Variants in SF1 observed in about 807,000 individuals in gnomAD.
The protein encoded by SF1 is branch point-binding protein.
SF1 carries 7 observed loss-of-function variants against 62.5 expected under a neutral mutation model. The observed-to-expected ratio is 0.11, with a 90% confidence interval of 0.06 to 0.21. SF1 has a LOEUF of 0.21. Among genes scored for constraint, SF1 ranks in the 10% least tolerant of loss-of-function variants. The pLI, the probability that SF1 is intolerant of heterozygous loss-of-function variation, is 1.00. For missense variants in SF1, 578 were observed against 884.0 expected, an observed-to-expected ratio of 0.65 and a Z score of 4.39; for synonymous variants, 394 against 323.6, an observed-to-expected ratio of 1.22 and a Z score of -2.33.
Position 64,765,952 on chromosome 11 carries a change from T to A in SF1, c.1786A>T (p.Met596Leu). Residue 596 changes from methionine (M) to leucine (L), a missense_variant, in exon 13 of 13, where the codon ATG (methionine) becomes TTG (leucine). Physicochemically the swap from Met to Leu is conservative, Grantham distance 15. Around this residue, in one of 7 missense-constraint regions of SF1, gnomAD observed 410 missense variants for 452.4 expected, o/e 0.91. Coordinates refer to ENST00000377390, the MANE Select transcript of SF1 (RefSeq NM_004630.4). The stretch of plus-strand genomic sequence containing the variant: ...GGAGGAGGAGGGGGCGGGGCATACA[T>A]CATGCCGGCGGAACCAGGCGGTGGA... ...PPPPPGSAGM[M>L]YAPPPPPPPP... 1 of 1,564,364 alleles carries A rather than the reference T, an allele frequency of 6.4e-7. No individual in the cohort carries two copies. The highest frequency in any genetic ancestry group is 8.7e-7 in the Non-Finnish European group (1 of 1,153,366).
intron 1 of SF1, chr11:64,777,452 A>G: frequency 6.2e-6 from 6 of 973,750 alleles, no homozygotes; most frequent in Non-Finnish European, 7.3e-6. Flanking sequence ...TCTCCCCAAA[A>G]GAGACCAAGA....
rs1335242113 is a variant in SF1, at chr11:64,770,336, T to C, written c.309A>G (p.Lys103=). 1.2e-6 allele frequency: 2 copies of C among 1,614,008 alleles called. No homozygotes were observed. Among genetic ancestry groups the C allele is most frequent in the Non-Finnish European group, 1.7e-6 (2 of 1,180,038 alleles). ...RLNTREFRTR[K]KLEEERHNLI... is the part of the protein sequence containing the mutation. ...GGTTGTGCCGCTCCTCTTCCAGCTTTTTGCGGGTGCGGAACTCTCGGGTGT... is the reference window on the plus strand; with the variant it reads ...GGTTGTGCCGCTCCTCTTCCAGCTTCTTGCGGGTGCGGAACTCTCGGGTGT... Residue 103 remains lysine (K), a synonymous_variant, in exon 4 of 13, where the codon AAA becomes AAG. Coordinates refer to ENST00000377390, the MANE Select transcript of SF1 (RefSeq NM_004630.4).
chr11:64,776,524 G>C lies in SF1; in HGVS notation c.134C>G (p.Thr45Ser), dbSNP rs1939275659. 1 of 1,565,220 alleles carries C rather than the reference G, an allele frequency of 6.4e-7. No individual in the cohort carries two copies. Among genetic ancestry groups the C allele is most frequent in the South Asian group, 1.2e-5 (1 of 82,888 alleles). Residue 45 changes from threonine (T) to serine (S), a missense_variant, in exon 2 of 13, where the codon ACT (threonine) becomes AGT (serine). This residue lies in a region of SF1 where 68 missense variants were observed against 170.7 expected (regional missense o/e 0.40). Transcript: ENST00000377390. ...GMPTVIPPGL[T>S]REQERAYIVQ... ...TATATAAGCTCTTTCTTGTTCTCGA[G>C]TAAGTCCAGGGGGAATAACTGTAGG...
intron 1 of SF1, chr11:64,777,710 G>C: frequency 3.0e-6 from 3 of 985,566 alleles, no homozygotes; most frequent in South Asian, 4.7e-5. Context: ...AGCAATAGTG[G>C]GCCCCCAGTC....
At position 64,765,476 on chromosome 11, in the gene SF1, C is replaced by T; in HGVS notation, c.*342G>A. The T allele has an allele frequency of 6.2e-7, 1 of 1,613,502 alleles. No individual in the cohort carries two copies. Among genetic ancestry groups the T allele is most frequent in the Non-Finnish European group, 8.5e-7 (1 of 1,179,792 alleles). ...GGGTCACCAATGGGCGCGGAAAGTC[C>T]TCACTCTCATGGCTCGGGCCATCGC... On this transcript the variant is annotated 3_prime_UTR_variant, in exon 13 of 13. Coordinates refer to ENST00000377390, the MANE Select transcript of SF1 (RefSeq NM_004630.4).
intron 2 of SF1, 99 bp from the exon 3 acceptor site, chr11:64,773,604 A>G (rs1938656501): frequency 7.4e-7 from 1 of 1,349,680 alleles, no homozygotes; most frequent in African/African-American, 1.5e-5. Flanking sequence ...AAGAACTCGG[A>G]GACTTTGAAA....
At chr11:64,773,755 C>T (rs757873412) in intron 2 of SF1, among the ~76,000 whole-genome samples, 12 of 152,104 alleles carry the variant, frequency 7.9e-5, no homozygotes, top group Non-Finnish European at 1.8e-4. Context: ...GAGGGGTTAG[C>T]AATAAAGACT....
rs2058787959 is a variant in SF1, at chr11:64,767,746, CCCACCAGGA to C, written c.1158_1166del (p.Pro390_Gly392del). The C allele has an allele frequency of 6.2e-7, 1 of 1,613,044 alleles. No homozygotes were observed. Among genetic ancestry groups the C allele is most frequent in the Non-Finnish European group, 8.5e-7 (1 of 1,179,500 alleles). On this transcript the variant is annotated inframe_deletion, in exon 10 of 13. Coordinates refer to ENST00000377390, the MANE Select transcript of SF1 (RefSeq NM_004630.4). ...GGAAGCTGTGGGGGCCACCTCCGGG[CCCACCAGGA>C]CCACCTCCATGCATGCCGTGGTAGG...
chr11:64,773,126 C>T (rs1372179549), intron 3 of SF1: 29 of 1,192,526 alleles, frequency 2.4e-5, no homozygotes, highest in East Asian at 1.7e-4. Flanking sequence ...GGCAGGTTAA[C>T]GGGCCACCTC....
intron 3 of SF1, 40 bp from the exon 4 acceptor site, chr11:64,770,448 TTC>T (rs768357502): frequency 2.7e-5 from 43 of 1,596,558 alleles, no homozygotes; most frequent in East Asian, 4.5e-5. Flanking sequence ...CTGCACCGAC[TTC>T]TCTCATTCCC....
At chr11:64,766,791 G>GC (rs2058704597) in intron 12 of SF1, 109 bp downstream of exon 12, 3 of 888,080 alleles carry the variant, frequency 3.4e-6, no homozygotes, top group Non-Finnish European at 3.2e-6. Context: ...CCCCAGCAGA[G>GC]CCCAGGGGCT....
intron 3 of SF1, chr11:64,772,164 A>G (rs1056322691): frequency 1.9e-5 from 19 of 985,294 alleles, no homozygotes; most frequent in Non-Finnish European, 1.9e-5. Context: ...CATCGGCTAG[A>G]TCAACTAAAT....
intron 10 of SF1, 152 bp from the exon 11 acceptor site, chr11:64,767,403 C>T: frequency 9.6e-7 from 1 of 1,040,178 alleles, no homozygotes; most frequent in Non-Finnish European, 1.5e-6. Context: ...AGAATCACTC[C>T]CTGAACCAGA....
intron 1 of SF1, among the ~76,000 whole-genome samples, chr11:64,776,838 C>G (rs1361175000): frequency 6.6e-6 from 1 of 152,114 alleles, no homozygotes; most frequent in African/African-American, 2.4e-5. Flanking sequence ...CTTGGTCAGG[C>G]AAGTTAACAT....
chr11:64,777,129 TCAA>T (rs2135986777), intron 1 of SF1, among the ~76,000 whole-genome samples: 1 of 152,330 alleles, frequency 6.6e-6, no homozygotes, highest in South Asian at 2.1e-4. Context: ...GCCCAATTCT[TCAA>T]CAAGATCACC....
chr11:64,766,438 C>G, intron 12 of SF1: 1 of 515,466 alleles, frequency 1.9e-6, no homozygotes, highest in Non-Finnish European at 3.4e-6. Context: ...GCTCTGATGT[C>G]CCTCCGCCCA....
chr11:64,768,266 G>A lies in SF1; in HGVS notation c.908C>T (p.Ala303Val). ...KFQRPGDPQS[A>V]QDKARMDKEY... is the part of the protein sequence containing the mutation. ...TTTATCCATCCGTGCTTTATCCTGA[G>A]CTGACTGAGGATCACCAGGCCTGAA... The change falls in exon 9 of 13, where the codon GCT becomes GTT. Residue 303 changes from alanine (A) to valine (V), a missense_variant. By Grantham distance (64) the Ala-to-Val change is moderately conservative. Coordinates refer to ENST00000377390, the MANE Select transcript of SF1 (RefSeq NM_004630.4). The A allele has an allele frequency of 1.2e-6, 2 of 1,613,484 alleles. No homozygotes were observed. Among genetic ancestry groups the A allele is most frequent in the Non-Finnish European group, 1.7e-6 (2 of 1,179,774 alleles).
intron 2 of SF1, among the ~76,000 whole-genome samples, chr11:64,775,611 G>GT (rs1939087374): frequency 6.6e-6 from 1 of 152,190 alleles, no homozygotes; most frequent in Non-Finnish European, 1.5e-5. Context: ...CCACAGCCTC[G>GT]TAGGTTTAGG....
intron 3 of SF1, 71 bp downstream of exon 3, chr11:64,773,359 T>C: frequency 6.4e-7 from 1 of 1,573,382 alleles, no homozygotes; most frequent in East Asian, 2.3e-5. Flanking sequence ...ACACAATATG[T>C]TGCCACCAGT....
Sources: gnomAD v4.1 joint callset for allele counts (sites outside exome capture counted in the v4.1 genomes callset) on GRCh38, gnomAD v4.1.1 for gene constraint, gnomAD v4.1.1 regional missense constraint, MANE v1.5 for transcripts, NCBI Gene and HGNC (gene_info 2026-07-23, HGNC 2026-07-21) for gene names.